Variants in RBMS3 observed in about 807,000 individuals in gnomAD.
RBMS3 encodes RNA-binding motif, single-stranded-interacting protein 3.
Under a neutral mutation model 66.8 loss-of-function variants are expected in RBMS3, and 27 were observed. The observed-to-expected ratio is 0.40, with a 90% CI of 0.30 to 0.56. The LOEUF (loss-of-function observed/expected upper bound fraction) is 0.56. Ranked by LOEUF, RBMS3 falls within the 20% of genes least tolerant of loss-of-function variation. RBMS3 has a pLI of 0.40. For synonymous variants in RBMS3, 188 were observed against 183.0 expected, an observed-to-expected ratio of 1.03 and a Z score of -0.22; for missense variants, 513 against 549.5, an observed-to-expected ratio of 0.93 and a Z score of 0.66.
chr3:29,897,707 A>T (rs150456438), intron 9 of RBMS3, among the ~76,000 whole-genome samples: 7 of 151,730 alleles, frequency 4.6e-5, no homozygotes, highest in Admixed American at 2.0e-4. Context: ...CTGAGTTTTC[A>T]TGATTATGCT....
chr3:29,517,937 C>T (rs2044708717), intron 3 of RBMS3, among the ~76,000 whole-genome samples: 2 of 152,182 alleles, frequency 1.3e-5, no homozygotes. Context: ...TTCTTTATAA[C>T]CTTTTTCTTC....
Position 29,751,679 on chromosome 3 carries a change from A to C in RBMS3, c.558-11231A>C, listed in dbSNP as rs142542445. On this transcript the variant is annotated intron_variant, in intron 5 of 14. Coordinates refer to ENST00000383767, the MANE Select transcript of RBMS3 (RefSeq NM_001003793.3). ...AAACCAACAATATTAAACTAGTCTT[A>C]AAGATTTACTCAAATCATGTGAACT... 5.1e-3 allele frequency among the ~76,000 whole-genome samples: 772 copies of C among 152,352 alleles called. 2 individuals carry two copies. Among genetic ancestry groups the C allele is most frequent in the Non-Finnish European group, 7.7e-3 (524 of 68,032 alleles).
chr3:29,544,319 C>G (rs1465751349), intron 3 of RBMS3, among the ~76,000 whole-genome samples: 2 of 152,044 alleles, frequency 1.3e-5, no homozygotes, highest in African/African-American at 4.8e-5. Flanking sequence ...CTTATTAATT[C>G]ATGTTCAATT....
chr3:29,301,220 G>A (rs1289691363), intron 1 of RBMS3, among the ~76,000 whole-genome samples: 1 of 151,964 alleles, frequency 6.6e-6, no homozygotes, highest in African/African-American at 2.4e-5. Context: ...GTATGAATGA[G>A]ATTACCAAAA....
intron 4 of RBMS3, among the ~76,000 whole-genome samples, chr3:29,608,982 C>A (rs1576351882): frequency 6.6e-6 from 1 of 151,930 alleles, no homozygotes; most frequent in Non-Finnish European, 1.5e-5. Flanking sequence ...GCATTCACTG[C>A]AGAATGTTGG....
chr3:29,425,322 C>T (rs1298854476), intron 1 of RBMS3, among the ~76,000 whole-genome samples: 5 of 151,576 alleles, frequency 3.3e-5, no homozygotes, highest in African/African-American at 9.7e-5. Flanking sequence ...TGCAGTGAGC[C>T]GAGATTGTGC....
At chr3:29,643,216 G>A (rs2049791345) in intron 4 of RBMS3, among the ~76,000 whole-genome samples, 1 of 152,060 alleles carries the variant, frequency 6.6e-6, no homozygotes, top group Non-Finnish European at 1.5e-5. Flanking sequence ...CCACAGTCAG[G>A]GAAGAGCGCT....
intron 6 of RBMS3, among the ~76,000 whole-genome samples, chr3:29,771,884 C>T (rs1051191766): frequency 3.3e-5 from 5 of 151,998 alleles, no homozygotes; most frequent in African/African-American, 1.2e-4. Context: ...ACGAGAATAG[C>T]AGGGAGGAAA....
chr3:29,516,088 G>GA (rs2044607623), intron 3 of RBMS3, among the ~76,000 whole-genome samples: 1 of 152,166 alleles, frequency 6.6e-6, no homozygotes, highest in Non-Finnish European at 1.5e-5. Context: ...TGAGAATCAG[G>GA]AAGACATGGG....
chr3:29,628,891 C>T (rs1218586128), intron 4 of RBMS3, among the ~76,000 whole-genome samples: 4 of 152,034 alleles, frequency 2.6e-5, no homozygotes. Flanking sequence ...GATTTTTTGA[C>T]TGAGAATTGT....
intron 1 of RBMS3, among the ~76,000 whole-genome samples, chr3:29,287,114 T>G (rs906026049): frequency 1.3e-5 from 2 of 152,128 alleles, no homozygotes; most frequent in Non-Finnish European, 2.9e-5. Flanking sequence ...GTGTTGAGGA[T>G]ATGTGTTGCT....
chr3:29,911,716 G>C (rs538161929), intron 10 of RBMS3, among the ~76,000 whole-genome samples: 1 of 151,940 alleles, frequency 6.6e-6, no homozygotes, highest in Admixed American at 6.6e-5. Context: ...CAAATGCTTC[G>C]TTGCTAAGTT....
At chr3:29,534,766 A>G (rs1203676624) in intron 3 of RBMS3, among the ~76,000 whole-genome samples, 4 of 152,188 alleles carry the variant, frequency 2.6e-5, no homozygotes, top group Non-Finnish European at 5.9e-5. Context: ...TCAGCCTTCA[A>G]GTTCAGTTCT....
chr3:29,845,022 A>G (rs1401651642), intron 6 of RBMS3, among the ~76,000 whole-genome samples: 3 of 152,216 alleles, frequency 2.0e-5, no homozygotes, highest in Non-Finnish European at 2.9e-5. Context: ...GAGATCAGAG[A>G]TGAAAGGAGA....
At chr3:29,675,613 T>C (rs1240055645) in intron 4 of RBMS3, among the ~76,000 whole-genome samples, 2 of 151,992 alleles carry the variant, frequency 1.3e-5, no homozygotes, top group Non-Finnish European at 2.9e-5. Context: ...AAAAAATGGG[T>C]GAAGGATATG....
intron 3 of RBMS3, among the ~76,000 whole-genome samples, chr3:29,568,028 A>T (rs1240672323): frequency 6.6e-6 from 1 of 152,174 alleles, no homozygotes; most frequent in Non-Finnish European, 1.5e-5. Context: ...TGCTAACTTT[A>T]ATTTTCCAAG....
At chr3:29,808,589 T>C (rs1186639824) in intron 6 of RBMS3, among the ~76,000 whole-genome samples, 3 of 152,120 alleles carry the variant, frequency 2.0e-5, no homozygotes, top group East Asian at 1.9e-4. Flanking sequence ...TGATCAGATA[T>C]TTAGTAAAGC....
chr3:29,586,934 A>G (rs2047538191), intron 3 of RBMS3, among the ~76,000 whole-genome samples, 180 bp from the exon 4 acceptor site: 1 of 152,120 alleles, frequency 6.6e-6, no homozygotes, highest in African/African-American at 2.4e-5. Context: ...ATGTCTAGAG[A>G]CATTATGATG....
chr3:29,389,387 T>A (rs1274495025), intron 1 of RBMS3, among the ~76,000 whole-genome samples: 1 of 152,170 alleles, frequency 6.6e-6, no homozygotes, highest in Non-Finnish European at 1.5e-5. Context: ...TGGCTTCTCT[T>A]GGTTTGCTGC....
Sources: gnomAD v4.1 joint callset for allele counts (sites outside exome capture counted in the v4.1 genomes callset) on GRCh38, gnomAD v4.1.1 for gene constraint, MANE v1.5 for transcripts, NCBI Gene and HGNC (gene_info 2026-07-23, HGNC 2026-07-21) for gene names.